GALK2: variants seen among roughly 807,000 people sequenced by gnomAD.
The protein encoded by GALK2 is galactokinase 2, also known as N-acetylgalactosamine kinase.
GALK2 carries 36 observed loss-of-function variants against 52.4 expected under a neutral mutation model. The ratio of observed to expected loss-of-function variants is 0.69; its 90% CI spans 0.53 to 0.91. The LOEUF is 0.91. Among genes scored for constraint, GALK2 ranks in the 40% least tolerant of loss-of-function variants. The pLI is 0.00. For missense variants in GALK2, 579 were observed against 559.1 expected (o/e 1.04, Z -0.36); for synonymous variants, 176 against 199.1 (o/e 0.88, Z 0.98).
chr15:49,339,051 G>C (rs902945710), intron 3 of GALK2, among the ~76,000 whole-genome samples: 7 of 152,090 alleles, frequency 4.6e-5, no homozygotes, highest in Admixed American at 3.9e-4. Context: ...AAGGTTCTTA[G>C]CTTGCTTGCA....
intron 3 of GALK2, chr15:49,225,317 T>C (rs544622482): frequency 3.6e-5 from 16 of 447,988 alleles, no homozygotes; most frequent in African/African-American, 3.2e-4. Flanking sequence ...TACTGCTTCA[T>C]GGCCTGTTCA....
chr15:49,327,846 G>GTATT, intron 9 of GALK2, 106 bp from the exon 10 acceptor site: 1 of 1,044,538 alleles, frequency 9.6e-7, no homozygotes, highest in South Asian at 1.8e-5. Flanking sequence ...AACCCCGCAT[G>GTATT]TATTTTCTTC....
intron 3 of GALK2, among the ~76,000 whole-genome samples, chr15:49,229,229 A>G (rs1463184664): frequency 6.6e-6 from 1 of 152,148 alleles, no homozygotes; most frequent in Non-Finnish European, 1.5e-5. Context: ...TCCTTTGGCT[A>G]TAAACAGTAT....
chr15:49,196,866 G>A (rs2087279284), intron 1 of GALK2, among the ~76,000 whole-genome samples: 1 of 152,192 alleles, frequency 6.6e-6, no homozygotes, highest in Admixed American at 6.5e-5. Context: ...GAGGCAGGAG[G>A]ATCACTTGAA....
intron 5 of GALK2, among the ~76,000 whole-genome samples, chr15:49,276,909 T>TTG (rs2031762581): frequency 6.7e-6 from 1 of 149,398 alleles, no homozygotes; most frequent in Admixed American, 6.6e-5. Context: ...CTGAGGTTTT[T>TTG]TTTTTTTTTT....
intron 5 of GALK2, among the ~76,000 whole-genome samples, chr15:49,270,349 G>A (rs1010799774): frequency 6.6e-6 from 1 of 152,200 alleles, no homozygotes; most frequent in African/African-American, 2.4e-5. Flanking sequence ...TCAGAATAGA[G>A]GAATCATTCC....
chr15:49,366,440 T>C, intron 3 of GALK2: 2 of 922,044 alleles, frequency 2.2e-6, no homozygotes, highest in East Asian at 4.8e-5. Flanking sequence ...GTTCTTTATG[T>C]CAACAGGAGG....
chr15:49,337,293 A>AT (rs1441144784), intron 3 of GALK2, among the ~76,000 whole-genome samples: 1 of 152,152 alleles, frequency 6.6e-6, no homozygotes, highest in Non-Finnish European at 1.5e-5. Context: ...GGCTGAACTA[A>AT]TTTACGTTCC....
chr15:49,354,484 C>T lies in GALK2; in HGVS notation c.427-13007C>T, dbSNP rs564667020. The stretch of plus-strand genomic sequence containing the variant: ...CTTTCCGAGTCAAAGAAAGGGGTGA[C>T]GGACGGCACCTGGAAAATCGTGTCA... On this transcript the variant is annotated intron_variant, in intron 3 of 3. Transcript: ENST00000558399. 1.7e-3 allele frequency among the ~76,000 whole-genome samples: 266 copies of T among 152,216 alleles called. 2 individuals are homozygous for T. Among genetic ancestry groups the T allele is most frequent in the Middle Eastern group, 3.4e-3 (1 of 294 alleles).
At chr15:49,195,694 C>G (rs933476648) in intron 1 of GALK2, among the ~76,000 whole-genome samples, 7 of 152,034 alleles carry the variant, frequency 4.6e-5, no homozygotes, top group Non-Finnish European at 8.8e-5. Flanking sequence ...GTTGCCTAAG[C>G]TGGTCCAAAA....
In GALK2 at chr15:49,351,751, C is replaced by T. The variant is rs547709533; in HGVS notation, c.427-15740C>T. Among the ~76,000 whole-genome samples the T allele has an allele frequency of 5.1e-5, 5 of 98,100 alleles. No individual in the cohort carries two copies. The East Asian group carries it at 1.2e-3, about 23-fold the overall frequency. The allele number at this position is 98,100 out of a possible 152,430, so 64.4% of individuals were successfully genotyped here. A position where few individuals can be genotyped will look rare whatever the true frequency, so the allele number is the denominator to read the frequency against. ...ATAACAGTCCCAATGGATGTCTCAG[C>T]TGACCCTATAAGGGAGGTCTGAAGC... is the stretch of plus-strand genomic sequence containing the variant. On this transcript the variant is annotated intron_variant, in intron 3 of 3. Coordinates refer to the GALK2 transcript ENST00000558399.
chr15:49,265,377 G>T (rs145651826), intron 5 of GALK2, among the ~76,000 whole-genome samples: 12 of 152,364 alleles, frequency 7.9e-5, no homozygotes, highest in Admixed American at 1.3e-4. Flanking sequence ...CTCTGAGCCA[G>T]GTGCAGGATA....
intron 5 of GALK2, among the ~76,000 whole-genome samples, chr15:49,263,663 C>G (rs1178898126): frequency 7.8e-6 from 1 of 128,078 alleles, no homozygotes; most frequent in East Asian, 2.0e-4. Context: ...TCTTCCTAGT[C>G]TCGATGGTCT....
chr15:49,299,735 T>TTTCTTTCTTTCTTTCC (rs1347140534), intron 8 of GALK2, among the ~76,000 whole-genome samples: 3 of 77,530 alleles, frequency 3.9e-5, no homozygotes, highest in African/African-American at 1.7e-4. Flanking sequence ...TCTTTCTTTC[T>TTTCTTTCTTTCTTTCC]TTTCTTTCTT....
exon 4 of GALK2, chr15:49,367,691 G>A: frequency 8.0e-7 from 1 of 1,244,470 alleles, no homozygotes; most frequent in Non-Finnish European, 1.1e-6. Context: ...TTCATATTTA[G>A]CATAAAGTTA....
chr15:49,345,874 T>C (rs1342765236), intron 3 of GALK2, among the ~76,000 whole-genome samples: 2 of 152,108 alleles, frequency 1.3e-5, no homozygotes, highest in African/African-American at 2.4e-5. Flanking sequence ...CTGAAGCTTC[T>C]AGAAGTGAAG....
chr15:49,328,288 A>AT lies in GALK2; in HGVS notation c.*133dup. ...AACGGTTGCTATTATATCAAGATAT[A>AT]TTTTCAAAGAAATGGTTGAAAGCTC... is the stretch of plus-strand genomic sequence containing the variant. On this transcript the variant is annotated 3_prime_UTR_variant, in exon 10 of 10. Coordinates refer to ENST00000560031, the MANE Select transcript of GALK2 (RefSeq NM_002044.4). 3 of 1,439,722 alleles carry AT rather than the reference A, an allele frequency of 2.1e-6. No homozygotes were observed. The highest frequency in any genetic ancestry group is 2.7e-6 in the Non-Finnish European group (3 of 1,099,014). The allele number at this position is 1,439,722 out of a possible 1,614,324, so 89.2% of individuals were successfully genotyped here.
At chr15:49,178,312 C>T (rs1273776254) in intron 1 of GALK2, 2 of 125,450 alleles carry the variant, frequency 1.6e-5, no homozygotes, top group Non-Finnish European at 3.4e-5. Flanking sequence ...TATATGTATG[C>T]ACATATATGT....
chr15:49,244,800 T>G (rs2091267354), intron 5 of GALK2, among the ~76,000 whole-genome samples: 1 of 151,858 alleles, frequency 6.6e-6, no homozygotes, highest in Admixed American at 6.6e-5. Flanking sequence ...GCAGTGCAGA[T>G]TAAAATGAGG....
Sources: gnomAD v4.1 joint callset for allele counts (sites outside exome capture counted in the v4.1 genomes callset) on GRCh38, gnomAD v4.1.1 for gene constraint, MANE v1.5 for transcripts, NCBI Gene and HGNC (gene_info 2026-07-23, HGNC 2026-07-21) for gene names.